The following SEMA6D variants were observed in gnomAD, a reference collection of about 807,000 sequenced individuals.
SEMA6D encodes the protein semaphorin-6D.
A neutral mutation model predicts 106.6 loss-of-function variants in SEMA6D; 35 were observed. That is an observed-to-expected ratio of 0.33 (90% confidence interval 0.25 to 0.44). The LOEUF (loss-of-function observed/expected upper bound fraction) is 0.44, where lower values mean the gene tolerates loss of function less well. Ranked by LOEUF, SEMA6D falls within the 20% of genes least tolerant of loss-of-function variation. The probability of loss-of-function intolerance (pLI) is 1.00; values close to 1 mark genes in which losing one functional copy is unlikely to be tolerated. For synonymous variants in SEMA6D, 499 were observed against 487.7 expected (o/e 1.02, Z -0.31); for missense variants, 1,185 against 1,345.9 (o/e 0.88, Z 1.87).
chr15:47,243,503 G>A (rs779750528), intron 1 of SEMA6D, among the ~76,000 whole-genome samples: 14 of 151,938 alleles, frequency 9.2e-5, no homozygotes, highest in African/African-American at 2.4e-4. Flanking sequence ...GAATAGTTAC[G>A]TGGTAGGAAG....
chr15:47,496,797 T>C (rs567960117), intron 3 of SEMA6D, among the ~76,000 whole-genome samples: 2 of 152,178 alleles, frequency 1.3e-5, no homozygotes, highest in African/African-American at 4.8e-5. Context: ...CTCACCTACT[T>C]GACCTTCACT....
At chr15:47,697,728 A>T (rs1019168791) in intron 4 of SEMA6D, among the ~76,000 whole-genome samples, 1 of 152,214 alleles carries the variant, frequency 6.6e-6, no homozygotes. Context: ...AATTAATCTA[A>T]TTCCATCACT....
chr15:47,724,007 G>A (rs1426302326), intron 1 of SEMA6D, among the ~76,000 whole-genome samples: 1 of 152,156 alleles, frequency 6.6e-6, no homozygotes, highest in Non-Finnish European at 1.5e-5. Context: ...TACTCCCCAG[G>A]AGCAGGCTGT....
chr15:47,644,543 G>T lies in SEMA6D; in HGVS notation c.-55+43647G>T, dbSNP rs115094433. Among the ~76,000 whole-genome samples the T allele has an allele frequency of 5.3e-4, 81 of 152,318 alleles. 1 individual carries two copies. The highest frequency in any genetic ancestry group is 1.9e-3 in the African/African-American group (77 of 41,576). ...GCCTTCAAAGAGGTGATTAGGCCAT[G>T]AGGGCTCCTCCCTGGTGATTGGGGG... is the stretch of plus-strand genomic sequence containing the variant. On this transcript the variant is annotated intron_variant, in intron 4 of 19. Transcript: ENST00000558014.
chr15:47,380,404 A>T (rs1172423785), intron 1 of SEMA6D: 2 of 152,184 alleles, frequency 1.3e-5, no homozygotes, highest in African/African-American at 4.8e-5. Flanking sequence ...ATGTGGACAC[A>T]ATCTTCTACT....
intron 1 of SEMA6D, among the ~76,000 whole-genome samples, chr15:47,305,434 C>A (rs998951743): frequency 6.6e-6 from 1 of 152,110 alleles, no homozygotes; most frequent in Non-Finnish European, 1.5e-5. Flanking sequence ...AGCCATGATC[C>A]CTTATGGCCA....
At chr15:47,236,261 A>G (rs1211350169) in intron 1 of SEMA6D, among the ~76,000 whole-genome samples, 5 of 152,096 alleles carry the variant, frequency 3.3e-5, no homozygotes, top group Non-Finnish European at 7.4e-5. Flanking sequence ...TCGAAGAACA[A>G]GATCTCCCCT....
intron 1 of SEMA6D, among the ~76,000 whole-genome samples, chr15:47,264,379 A>T (rs2034218751): frequency 6.7e-6 from 1 of 149,914 alleles, no homozygotes; most frequent in South Asian, 2.1e-4. Context: ...TTTTTGGGGG[A>T]CTTGTATTTT....
intron 1 of SEMA6D, among the ~76,000 whole-genome samples, chr15:47,257,261 G>C (rs1377718968): frequency 1.3e-5 from 2 of 152,102 alleles, no homozygotes; most frequent in Non-Finnish European, 2.9e-5. Context: ...GTTTCACCAT[G>C]TTAGCTAGTA....
At chr15:47,661,079 C>G (rs1022230224) in intron 4 of SEMA6D, among the ~76,000 whole-genome samples, 4 of 152,206 alleles carry the variant, frequency 2.6e-5, no homozygotes, top group Non-Finnish European at 4.4e-5. Context: ...TCCTGGTCAA[C>G]TTTAGATACC....
chr15:47,661,672 C>T lies in SEMA6D; in HGVS notation c.-55+60776C>T, dbSNP rs190234736. Among the ~76,000 whole-genome samples the T allele has an allele frequency of 1.6e-3, 246 of 152,290 alleles. 1 individual carries two copies. Among genetic ancestry groups the T allele is most frequent in the African/African-American group, 5.7e-3 (238 of 41,562 alleles). Reference sequence around the variant, plus strand: ...TTGTGCGTCCAAGAAGAATAATGACCAGCTTGTGTCCTGAGAAGGTGATGC... The same window carrying T: ...TTGTGCGTCCAAGAAGAATAATGACTAGCTTGTGTCCTGAGAAGGTGATGC... On this transcript the variant is annotated intron_variant, in intron 4 of 19. Coordinates refer to the SEMA6D transcript ENST00000558014.
intron 1 of SEMA6D, among the ~76,000 whole-genome samples, chr15:47,367,243 C>T (rs761908542): frequency 1.1e-3 from 162 of 152,138 alleles, no homozygotes; most frequent in Middle Eastern, 6.8e-3. Flanking sequence ...TGTCCTCCTT[C>T]CCCCCCTTCT....
chr15:47,421,350 A>G (rs897200901), intron 2 of SEMA6D, among the ~76,000 whole-genome samples: 1 of 152,136 alleles, frequency 6.6e-6, no homozygotes, highest in Non-Finnish European at 1.5e-5. Context: ...ACAATGCTGA[A>G]GACATCAGTG....
At chr15:47,475,588 A>G (rs1160443347) in intron 3 of SEMA6D, among the ~76,000 whole-genome samples, 1 of 152,148 alleles carries the variant, frequency 6.6e-6, no homozygotes, top group African/African-American at 2.4e-5. Context: ...ATTGTAAGAG[A>G]GCTTGCAGTT....
intron 3 of SEMA6D, among the ~76,000 whole-genome samples, chr15:47,575,238 T>G (rs2076135571): frequency 6.6e-6 from 1 of 152,218 alleles, no homozygotes; most frequent in Non-Finnish European, 1.5e-5. Context: ...AGAGGATACA[T>G]GGCTTTCTCC....
At chr15:47,749,132 A>C (rs2081297926) in intron 1 of SEMA6D, among the ~76,000 whole-genome samples, 1 of 138,524 alleles carries the variant, frequency 7.2e-6, no homozygotes, top group Non-Finnish European at 1.5e-5. Context: ...CCCAGGCTGG[A>C]GTGCAGTGGT....
At chr15:47,357,203 G>A (rs548612788) in intron 1 of SEMA6D, among the ~76,000 whole-genome samples, 14 of 151,988 alleles carry the variant, frequency 9.2e-5, no homozygotes, top group Admixed American at 2.6e-4. Flanking sequence ...GCGAGGTGGC[G>A]GGCACCTGTA....
intron 1 of SEMA6D, among the ~76,000 whole-genome samples, chr15:47,240,699 G>A (rs77355127): frequency 0.067 from 10,254 of 152,140 alleles, 1,283 homozygotes; most frequent in East Asian, 0.6. Context: ...GTTAAAATTA[G>A]ATTGCCTTGA....
At chr15:47,488,035 C>T (rs1173262301) in intron 3 of SEMA6D, among the ~76,000 whole-genome samples, 3 of 152,192 alleles carry the variant, frequency 2.0e-5, no homozygotes, top group Non-Finnish European at 4.4e-5. Context: ...CTCCCTCACA[C>T]ACTAAATCTC....
Sources: allele counts gnomAD v4.1 joint callset (sites outside exome capture counted in the v4.1 genomes callset), GRCh38; gene constraint gnomAD v4.1.1; transcripts MANE v1.5; gene names NCBI Gene and HGNC (gene_info 2026-07-23, HGNC 2026-07-21).